Variants in TANGO6 observed in about 807,000 individuals in gnomAD.
TANGO6 encodes the protein transport and Golgi organization protein 6 homolog.
A neutral mutation model predicts 114.2 loss-of-function variants in TANGO6; 90 were observed. The observed-to-expected ratio is 0.79, with a 90% CI of 0.66 to 0.94. The LOEUF is 0.94. Among genes scored for constraint, TANGO6 ranks in the 40% least tolerant of loss-of-function variants. TANGO6 has a pLI of 0.00. For missense variants in TANGO6, 1,274 were observed against 1,315.3 expected (o/e 0.97, Z 0.49); for synonymous variants, 477 against 509.8 (o/e 0.94, Z 0.87).
intron 17 of TANGO6, among the ~76,000 whole-genome samples, chr16:69,053,014 A>G (rs938600902): frequency 6.6e-5 from 10 of 152,106 alleles, no homozygotes; most frequent in Admixed American, 5.2e-4. Context: ...AGGCTGAGGC[A>G]GGAGAATCGC....
intron 15 of TANGO6, among the ~76,000 whole-genome samples, chr16:68,981,210 C>CTTTTTTTTTTTTT (rs553789256): frequency 1.8e-5 from 2 of 111,020 alleles, no homozygotes; most frequent in Non-Finnish European, 3.7e-5. Flanking sequence ...TTTTCTTTTC[C>CTTTTTTTTTTTTT]TTTTTTTTTT....
chr16:69,080,999 G>A (rs1385730032), intron 17 of TANGO6, among the ~76,000 whole-genome samples: 3 of 152,088 alleles, frequency 2.0e-5, no homozygotes, highest in East Asian at 1.9e-4. Context: ...TTAGCCAGGC[G>A]TGGTGGTGGG....
intron 7 of TANGO6, among the ~76,000 whole-genome samples, chr16:68,893,148 A>C (rs926702950): frequency 3.9e-5 from 6 of 152,120 alleles, no homozygotes; most frequent in African/African-American, 1.4e-4. Context: ...ATTTTTTTCA[A>C]CTAGTCTCAC....
At chr16:69,055,382 C>T (rs562643340) in intron 17 of TANGO6, among the ~76,000 whole-genome samples, 2 of 152,328 alleles carry the variant, frequency 1.3e-5, no homozygotes, top group Admixed American at 6.5e-5. Context: ...CCTTCAGTCC[C>T]CTGTCCTGGA....
chr16:68,965,734 G>A (rs764451518), intron 14 of TANGO6, among the ~76,000 whole-genome samples: 30 of 152,028 alleles, frequency 2.0e-4, no homozygotes, highest in Non-Finnish European at 3.7e-4. Context: ...CTGGGAGTTG[G>A]AGGTTGCAGT....
intron 14 of TANGO6, among the ~76,000 whole-genome samples, chr16:68,943,238 CTCTTTTTT>C (rs1359838435): frequency 6.7e-6 from 1 of 149,240 alleles, no homozygotes; most frequent in Non-Finnish European, 1.5e-5. Context: ...TTTTTTATTT[CTCTTTTTT>C]TCTTTTTTTT....
intron 17 of TANGO6, among the ~76,000 whole-genome samples, chr16:69,052,074 G>A (rs1437169600): frequency 1.3e-5 from 2 of 150,150 alleles, no homozygotes; most frequent in Admixed American, 6.6e-5. Flanking sequence ...TAGCCTCTGA[G>A]TAGCTGGGAC....
chr16:68,862,468 A>G (rs1452046663), intron 2 of TANGO6, among the ~76,000 whole-genome samples: 1 of 152,152 alleles, frequency 6.6e-6, no homozygotes, highest in Non-Finnish European at 1.5e-5. Flanking sequence ...AAGTGCTGGG[A>G]TTACAGGCGT....
At chr16:69,070,693 A>C (rs1960286210) in intron 17 of TANGO6, among the ~76,000 whole-genome samples, 1 of 149,488 alleles carries the variant, frequency 6.7e-6, no homozygotes, top group African/African-American at 2.4e-5. Context: ...CTCTGCTACA[A>C]GGGTTTGTGA....
intron 17 of TANGO6, among the ~76,000 whole-genome samples, chr16:69,074,791 C>G (rs1005208401): frequency 7.3e-6 from 1 of 137,390 alleles, no homozygotes; most frequent in Non-Finnish European, 1.6e-5. Flanking sequence ...CACTCTGGTT[C>G]GAATGCCTGT....
intron 14 of TANGO6, 64 bp downstream of exon 14, chr16:68,930,359 C>T (rs1045858247): frequency 4.3e-6 from 6 of 1,391,522 alleles, no homozygotes; most frequent in Non-Finnish European, 6.0e-6. Flanking sequence ...TGTTTATTTG[C>T]ACAAAATCTC....
chr16:68,893,056 T>C (rs907697910), intron 7 of TANGO6, among the ~76,000 whole-genome samples: 1 of 152,196 alleles, frequency 6.6e-6, no homozygotes, highest in African/African-American at 2.4e-5. Context: ...ACAGAAAGCA[T>C]ATGAGGAAGA....
At chr16:68,873,590 A>G (rs1241941304) in intron 4 of TANGO6, among the ~76,000 whole-genome samples, 2 of 152,254 alleles carry the variant, frequency 1.3e-5, no homozygotes, top group Non-Finnish European at 2.9e-5. Context: ...CTGGGATTAC[A>G]GGTGTCAGCC....
intron 17 of TANGO6, among the ~76,000 whole-genome samples, chr16:69,050,460 G>T (rs1959930942): frequency 6.6e-6 from 1 of 151,440 alleles, no homozygotes; most frequent in African/African-American, 2.4e-5. Context: ...TTCCACCTCA[G>T]CCTCCTAAAC....
At chr16:69,042,199 G>C (rs1959783794) in intron 17 of TANGO6, among the ~76,000 whole-genome samples, 1 of 152,158 alleles carries the variant, frequency 6.6e-6, no homozygotes, top group South Asian at 2.1e-4. Flanking sequence ...ATGGATATTA[G>C]GGTGGCAACT....
intron 16 of TANGO6, among the ~76,000 whole-genome samples, chr16:69,031,288 C>G (rs1959589226): frequency 6.6e-6 from 1 of 151,938 alleles, no homozygotes; most frequent in Non-Finnish European, 1.5e-5. Flanking sequence ...TGTCATACCC[C>G]CAATACCTAT....
intron 16 of TANGO6, among the ~76,000 whole-genome samples, chr16:69,027,191 A>G (rs143268346): frequency 6.6e-6 from 1 of 152,102 alleles, no homozygotes. Context: ...AATGTTTGGC[A>G]GTTGTGTCAT....
chr16:68,851,972 T>C (rs1961909099), intron 1 of TANGO6, among the ~76,000 whole-genome samples: 1 of 152,244 alleles, frequency 6.6e-6, no homozygotes, highest in Non-Finnish European at 1.5e-5. Context: ...TCCTATAAAC[T>C]GTCTGTATCT....
intron 12 of TANGO6, among the ~76,000 whole-genome samples, chr16:68,922,937 A>ATTT (rs1420058141): frequency 3.0e-5 from 3 of 99,576 alleles, no homozygotes; most frequent in African/African-American, 1.3e-4. Context: ...TGCTTAGGTC[A>ATTT]TGTTTTTTTT....
Sources: allele counts gnomAD v4.1 joint callset (sites outside exome capture counted in the v4.1 genomes callset), GRCh38; gene constraint gnomAD v4.1.1; transcripts MANE v1.5; gene names NCBI Gene and HGNC (gene_info 2026-07-23, HGNC 2026-07-21).